The following HPS5 variants were observed in gnomAD, a reference collection of about 807,000 sequenced individuals.
HPS5 encodes the protein BLOC-2 complex member HPS5.
HPS5 carries 83 observed loss-of-function variants against 128.0 expected under a neutral mutation model. The observed-to-expected ratio is 0.65, with a 90% confidence interval of 0.54 to 0.78. The LOEUF (loss-of-function observed/expected upper bound fraction) is 0.78. HPS5 is among the 30% of genes least tolerant of loss of function. The pLI is 0.00. For missense variants in HPS5, 1,281 were observed against 1,326.2 expected, an observed-to-expected ratio of 0.97 and a Z score of 0.53; for synonymous variants, 475 against 470.2, an observed-to-expected ratio of 1.01 and a Z score of -0.13.
At position 18,281,294 on chromosome 11, in the gene HPS5, A is replaced by AT. The variant is rs571294916; in HGVS notation, c.3329+655dup. 2.3e-4 allele frequency among the ~76,000 whole-genome samples: 34 copies of AT among 148,168 alleles called. No individual in the cohort carries two copies. The East Asian group carries it at 6.4e-3, about 28-fold the overall frequency. ...TTTTTAGTAGAGACAGGGTTTCACC[A>AT]TATTGGTTAGGCTGGTCTCGAACTC... On this transcript the variant is annotated intron_variant, in intron 22 of 22. Transcript: ENST00000349215.
intron 8 of HPS5, 24 bp downstream of exon 8, chr11:18,305,398 G>A: frequency 6.7e-7 from 1 of 1,486,320 alleles, no homozygotes; most frequent in Non-Finnish European, 9.4e-7. Flanking sequence ...TTCCCCCCCA[G>A]AACTAAGGAA....
At chr11:18,320,337 T>A (rs1177304054) in intron 1 of HPS5, among the ~76,000 whole-genome samples, 1 of 152,166 alleles carries the variant, frequency 6.6e-6, no homozygotes, top group Non-Finnish European at 1.5e-5. Flanking sequence ...AAAAGATTCA[T>A]AGGTAATTCA....
rs190116495 is a variant in HPS5, at chr11:18,299,198, T to G, written c.986-228A>C. ...AAGAAAGAACTATATCTCTCTGACC[T>G]AAAGTCTTATGTTTAAAAATGCTGT... is the stretch of plus-strand genomic sequence containing the variant. On this transcript the variant is annotated intron_variant, in intron 9 of 22. Transcript: ENST00000349215. Among the ~76,000 whole-genome samples the G allele has an allele frequency of 8.1e-4, 124 of 152,332 alleles. 1 individual carries two copies. The highest frequency in any genetic ancestry group is 2.5e-3 in the African/African-American group (106 of 41,572).
chr11:18,309,154 G>A (rs1441636446), intron 5 of HPS5, 75 bp from the exon 6 acceptor site: 10 of 1,405,182 alleles, frequency 7.1e-6, no homozygotes, highest in South Asian at 1.2e-5. Context: ...TCTTTACCTT[G>A]TAAATGAAAA....
At position 18,305,839 on chromosome 11, in the gene HPS5, C is replaced by T. The variant is rs185421970; in HGVS notation, c.824+296G>A. On this transcript the variant is annotated intron_variant, in intron 7 of 22. Coordinates refer to ENST00000349215, the MANE Select transcript of HPS5 (RefSeq NM_181507.2). ...GCTCCGCCTCCCTTCACACCATTCTCCTGCCTCAGCCTCCCGAGTAGCTGG... is the reference window on the plus strand; with the variant it reads ...GCTCCGCCTCCCTTCACACCATTCTTCTGCCTCAGCCTCCCGAGTAGCTGG... Among the ~76,000 whole-genome samples the T allele has an allele frequency of 5.3e-5, 8 of 152,130 alleles. No individual in the cohort carries two copies. The East Asian group carries it at 1.5e-3, about 29-fold the overall frequency.
At chr11:18,318,843 C>T (rs890846534) in intron 1 of HPS5, among the ~76,000 whole-genome samples, 7 of 152,108 alleles carry the variant, frequency 4.6e-5, no homozygotes, top group African/African-American at 1.7e-4. Context: ...ATTTATTCAA[C>T]AAATTTGTAC....
intron 19 of HPS5, among the ~76,000 whole-genome samples, chr11:18,286,085 T>C (rs1358913846): frequency 1.3e-5 from 2 of 152,256 alleles, no homozygotes; most frequent in African/African-American, 4.8e-5. Flanking sequence ...CAGATTCTTA[T>C]AGGGTGACCC....
chr11:18,315,963 G>A (rs2133890719), intron 2 of HPS5, among the ~76,000 whole-genome samples: 1 of 152,262 alleles, frequency 6.6e-6, no homozygotes, highest in South Asian at 2.1e-4. Flanking sequence ...CCCTATGAAA[G>A]AGGGTACACA....
intron 16 of HPS5, among the ~76,000 whole-genome samples, chr11:18,288,641 A>G (rs1480563697): frequency 1.3e-5 from 2 of 151,768 alleles, no homozygotes; most frequent in Non-Finnish European, 2.9e-5. Flanking sequence ...TTTTTTTCCA[A>G]GTAGTTTTCT....
At chr11:18,288,052 T>C in intron 16 of HPS5, 39 bp from the exon 17 acceptor site, 1 of 1,608,862 alleles carries the variant, frequency 6.2e-7, no homozygotes, top group South Asian at 1.1e-5. Context: ...ACTTTATCTC[T>C]TAGGCGGAAA....
intron 9 of HPS5, among the ~76,000 whole-genome samples, chr11:18,300,525 C>T (rs1213606070): frequency 6.6e-6 from 1 of 151,778 alleles, no homozygotes; most frequent in African/African-American, 2.4e-5. Context: ...GGCGAAACTC[C>T]ATCTCTACTA....
Position 18,287,536 on chromosome 11 carries a change from G to A in HPS5, c.2716C>T (p.Arg906Trp), listed in dbSNP as rs775281184. ...SLVKSRPEDQRSSFLESLLQP... is the reference protein window; with the variant it reads ...SLVKSRPEDQWSSFLESLLQP... ...CTGCAAATATGCTCTCCTTCTCACC[G>A]CTGATCTTCAGGCCTTGATTTCACC... The change falls in exon 18 of 23, where the codon CGG becomes TGG. Residue 906 changes from arginine (R) to tryptophan (W), a missense_variant and splice_region_variant. Transcript: ENST00000349215. 12 of 1,613,880 alleles carry A rather than the reference G, an allele frequency of 7.4e-6. No individual in the cohort carries two copies. In the Middle Eastern group the frequency reaches 6.6e-4, roughly 88 times the overall value.
chr11:18,286,903 CA>C, intron 18 of HPS5, 193 bp from the exon 19 acceptor site: 1 of 437,074 alleles, frequency 2.3e-6, no homozygotes, highest in African/African-American at 2.6e-5. Context: ...GTCAAAGGGC[CA>C]AAAAAGAAAA....
Position 18,295,121 on chromosome 11 carries a change from G to C in HPS5, c.1683C>G (p.His561Gln). Residue 561 changes from histidine (H) to glutamine (Q), a missense_variant, in exon 14 of 23, where the codon CAC (histidine) becomes CAG (glutamine). His to Gln is a conservative substitution (Grantham distance 24). Transcript: ENST00000349215. ...GTCTCACTTTCAGATCAGGGCTCGT[G>C]TGAAGGGTGCCAATCTTCTCAGTAG... ...RKTTEKIGTL[H>Q]TSPDLKVRPE... The C allele has an allele frequency of 1.2e-6, 2 of 1,614,196 alleles. No homozygotes were observed. The highest frequency in any genetic ancestry group is 1.7e-6 in the Non-Finnish European group (2 of 1,180,026).
At chr11:18,321,237 C>A (rs1864284080) in intron 1 of HPS5, among the ~76,000 whole-genome samples, 1 of 152,188 alleles carries the variant, frequency 6.6e-6, no homozygotes, top group Non-Finnish European at 1.5e-5. Context: ...CTTTTTCCAG[C>A]CTTATTTCCC....
chr11:18,314,680 CT>C (rs1863411027), intron 2 of HPS5, among the ~76,000 whole-genome samples: 2 of 152,036 alleles, frequency 1.3e-5, no homozygotes, highest in African/African-American at 4.8e-5. Context: ...TTATTTTCGC[CT>C]TTGTCTGTTT....
intron 1 of HPS5, among the ~76,000 whole-genome samples, chr11:18,319,257 A>T (rs1315764229): frequency 6.7e-5 from 2 of 29,944 alleles, no homozygotes; most frequent in South Asian, 1.2e-3. Flanking sequence ...GACAAATACC[A>T]CACACACACA....
At chr11:18,284,762 T>G (rs1443120077) in intron 20 of HPS5, among the ~76,000 whole-genome samples, 2 of 152,208 alleles carry the variant, frequency 1.3e-5, no homozygotes, top group Non-Finnish European at 2.9e-5. Context: ...CAAAAGATTA[T>G]AATCCAGTTG....
In HPS5 at chr11:18,285,348, A is replaced by G. The variant is rs1165415010; in HGVS notation, c.2949T>C (p.Cys983=). The G allele has an allele frequency of 6.3e-7, 1 of 1,599,718 alleles. No individual in the cohort carries two copies. The highest frequency in any genetic ancestry group is 2.2e-5 in the East Asian group (1 of 44,750). The change falls in exon 20 of 23, where the codon TGT becomes TGC. Residue 983 remains cysteine (C), a splice_region_variant and synonymous_variant. Coordinates refer to ENST00000349215, the MANE Select transcript of HPS5 (RefSeq NM_181507.2). ...GTTTCTAAAAAATTCTCACTTACCC[A>G]CAAGACCTGCAGATGTCTGTCATTT... The part of the protein sequence containing the change: ...KEKMTDICRS[C]GFWPGYLILC...
Sources: gnomAD v4.1 joint callset for allele counts (sites outside exome capture counted in the v4.1 genomes callset) on GRCh38, gnomAD v4.1.1 for gene constraint, MANE v1.5 for transcripts, NCBI Gene and HGNC (gene_info 2026-07-23, HGNC 2026-07-21) for gene names.